ZSWIM6: variants seen among roughly 807,000 people sequenced by gnomAD.
ZSWIM6 encodes the protein zinc finger SWIM domain-containing protein 6.
In ZSWIM6, 9 loss-of-function variants were observed where a neutral mutation model predicts 113.2. The ratio of observed to expected loss-of-function variants is 0.08; its 90% CI spans 0.05 to 0.14. ZSWIM6 has a LOEUF of 0.14. ZSWIM6 is among the 10% of genes least tolerant of loss of function. The pLI is 1.00. For missense variants in ZSWIM6, 1,162 were observed against 1,552.2 expected (o/e 0.75, Z 4.22); for synonymous variants, 611 against 606.5 (o/e 1.01, Z -0.11).
At chr5:61,403,150 G>A (rs1745973576) in intron 1 of ZSWIM6, among the ~76,000 whole-genome samples, 1 of 152,172 alleles carries the variant, frequency 6.6e-6, no homozygotes, top group South Asian at 2.1e-4. Context: ...CTTAATTGAG[G>A]ACACATGTCT....
intron 1 of ZSWIM6, among the ~76,000 whole-genome samples, chr5:61,374,365 G>A (rs6449530): frequency 0.22 from 32,659 of 151,880 alleles, 3,704 homozygotes; most frequent in South Asian, 0.31. Context: ...TACTTTTGGC[G>A]TTCATACATT....
At chr5:61,391,291 A>G in intron 1 of ZSWIM6, 1 of 859,934 alleles carries the variant, frequency 1.2e-6, no homozygotes, top group Non-Finnish European at 2.0e-6. Flanking sequence ...GGCCCAGTCC[A>G]GCTTCTTGGC....
Position 61,539,596 on chromosome 5 carries a change from G to A in ZSWIM6, c.2540G>A (p.Gly847Asp). The change falls in exon 12 of 14, where the codon GGC becomes GAC. Residue 847 changes from glycine to aspartate, a missense_variant and splice_region_variant. Around this residue, in one of 4 missense-constraint regions of ZSWIM6, gnomAD observed 620 missense variants for 804.6 expected, o/e 0.77. Transcript: ENST00000252744. ...TTTGGTTTTCCCTTGTTCATTGCAG[G>A]CGATGTTCGGAGGCTGGAAACAGTA... is the stretch of plus-strand genomic sequence containing the variant. ...LASTMLTAAK[G>D]DVRRLETVLE... 6.5e-7 allele frequency: 1 copy of A among 1,549,472 alleles called. No individual in the cohort carries two copies. The highest frequency in any genetic ancestry group is 8.7e-7 in the Non-Finnish European group (1 of 1,145,780).
At chr5:61,430,782 A>G (rs1290331511) in intron 1 of ZSWIM6, among the ~76,000 whole-genome samples, 4 of 152,202 alleles carry the variant, frequency 2.6e-5, no homozygotes. Context: ...GTCTACAGTG[A>G]ATTTCAGACT....
chr5:61,507,306 A>G (rs1294171167), intron 4 of ZSWIM6, among the ~76,000 whole-genome samples: 1 of 152,234 alleles, frequency 6.6e-6, no homozygotes. Context: ...TGAGATGATT[A>G]TGTTAACAAA....
At chr5:61,355,948 T>A (rs1249221811) in intron 1 of ZSWIM6, among the ~76,000 whole-genome samples, 1 of 152,260 alleles carries the variant, frequency 6.6e-6, no homozygotes, top group Non-Finnish European at 1.5e-5. Flanking sequence ...TGCTAGTCTC[T>A]AGGCCCTTTG....
chr5:61,502,965 G>A (rs757041423), intron 4 of ZSWIM6, among the ~76,000 whole-genome samples: 3 of 152,032 alleles, frequency 2.0e-5, no homozygotes, highest in Non-Finnish European at 4.4e-5. Flanking sequence ...AGTCCCTGGT[G>A]CCAAAAAGGT....
At chr5:61,533,827 T>C (rs186989530) in intron 9 of ZSWIM6, among the ~76,000 whole-genome samples, 1 of 152,292 alleles carries the variant, frequency 6.6e-6, no homozygotes, top group Non-Finnish European at 1.5e-5. Flanking sequence ...ACAACAGAAA[T>C]GTATTTCTCA....
intron 2 of ZSWIM6, among the ~76,000 whole-genome samples, chr5:61,473,805 C>G (rs142397632): frequency 5.9e-5 from 9 of 152,228 alleles, no homozygotes; most frequent in Non-Finnish European, 8.8e-5. Flanking sequence ...TTTGACTAAA[C>G]AGCTCTGGGA....
chr5:61,482,081 G>T (rs2112200039), intron 2 of ZSWIM6, among the ~76,000 whole-genome samples: 1 of 152,120 alleles, frequency 6.6e-6, no homozygotes, highest in South Asian at 2.1e-4. Context: ...GTTTCTTTTT[G>T]CATTCCCTTC....
chr5:61,497,106 G>GAAAAAA (rs34912981), intron 4 of ZSWIM6, among the ~76,000 whole-genome samples: 1 of 119,802 alleles, frequency 8.3e-6, no homozygotes, highest in African/African-American at 3.2e-5. Flanking sequence ...AGTACACCAG[G>GAAAAAA]AAAAAAAAAA....
At chr5:61,525,638 G>A (rs1749253775) in intron 5 of ZSWIM6, among the ~76,000 whole-genome samples, 162 bp from the exon 6 acceptor site, 1 of 152,176 alleles carries the variant, frequency 6.6e-6, no homozygotes, top group Non-Finnish European at 1.5e-5. Flanking sequence ...CTGCCTCTTA[G>A]TACTTAGGAT....
intron 2 of ZSWIM6, among the ~76,000 whole-genome samples, chr5:61,488,467 G>A (rs1748084741): frequency 6.6e-6 from 1 of 151,976 alleles, no homozygotes; most frequent in Admixed American, 6.6e-5. Context: ...GTAGAATTAG[G>A]CTGTAAATCC....
chr5:61,478,688 AGTGTGTGTGTGTGTGTTTGTGTGTGT>A (rs1163338880), intron 2 of ZSWIM6, among the ~76,000 whole-genome samples: 31 of 143,116 alleles, frequency 2.2e-4, no homozygotes, highest in Non-Finnish European at 4.0e-4. Context: ...TTTATGTGTG[AGTGTGTGTGTGTGTGTTTGTGTGTGT>A]GTGTGTGTGT....
At chr5:61,376,436 C>T (rs948848210) in intron 1 of ZSWIM6, among the ~76,000 whole-genome samples, 18 of 151,568 alleles carry the variant, frequency 1.2e-4, no homozygotes, top group Admixed American at 3.3e-4. Flanking sequence ...CCATGCTTCA[C>T]GGGGAGGTCA....
intron 1 of ZSWIM6, among the ~76,000 whole-genome samples, chr5:61,371,471 A>G (rs1745260707): frequency 6.6e-6 from 1 of 152,248 alleles, no homozygotes; most frequent in African/African-American, 2.4e-5. Context: ...TTTAAAGAGA[A>G]GCACGTCAGA....
chr5:61,475,674 T>C (rs1483087874), intron 2 of ZSWIM6, among the ~76,000 whole-genome samples: 2 of 152,186 alleles, frequency 1.3e-5, no homozygotes, highest in African/African-American at 2.4e-5. Flanking sequence ...CCATTCTAGT[T>C]TGACAAGTGG....
At chr5:61,541,167 C>T (rs1420667772) in intron 12 of ZSWIM6, among the ~76,000 whole-genome samples, 1 of 152,100 alleles carries the variant, frequency 6.6e-6, no homozygotes, top group Non-Finnish European at 1.5e-5. Context: ...TGGTCTCAAA[C>T]TCCTGACCTC....
intron 1 of ZSWIM6, among the ~76,000 whole-genome samples, chr5:61,438,698 T>C (rs1055095433): frequency 6.6e-6 from 1 of 152,176 alleles, no homozygotes; most frequent in African/African-American, 2.4e-5. Context: ...GGTGCTGAAA[T>C]TGACATGTAA....
Sources: gnomAD v4.1 joint callset for allele counts (sites outside exome capture counted in the v4.1 genomes callset) on GRCh38, gnomAD v4.1.1 for gene constraint, gnomAD v4.1.1 regional missense constraint, MANE v1.5 for transcripts, NCBI Gene and HGNC (gene_info 2026-07-23, HGNC 2026-07-21) for gene names.